GRAMD1B: variants seen among roughly 807,000 people sequenced by gnomAD.
The protein encoded by GRAMD1B is protein Aster-B.
In GRAMD1B, 37 loss-of-function variants were observed where a neutral mutation model predicts 99.7. The observed-to-expected ratio is 0.37, with a 90% CI of 0.29 to 0.49. GRAMD1B has a LOEUF of 0.49. Among genes scored for constraint, GRAMD1B ranks in the 20% least tolerant of loss-of-function variants. GRAMD1B has a pLI of 0.98. For synonymous variants in GRAMD1B, 427 were observed against 387.6 expected (o/e 1.10, Z -1.19); for missense variants, 888 against 1,009.2 (o/e 0.88, Z 1.63).
At chr11:123,439,014 C>G (rs1429260098) in intron 1 of GRAMD1B, among the ~76,000 whole-genome samples, 1 of 152,140 alleles carries the variant, frequency 6.6e-6, no homozygotes, top group Non-Finnish European at 1.5e-5. Flanking sequence ...GAGGGTTTTT[C>G]CTGGGGCATT....
At position 123,593,770 on chromosome 11, in the gene GRAMD1B, A is replaced by C. The variant is rs371613524; in HGVS notation, c.685-312A>C. ...AACAGCAGTAGCTGGCATGGTGGATACCAGGAAGCACCCTGGAGGTGTCCC... is the reference window on the plus strand; with the variant it reads ...AACAGCAGTAGCTGGCATGGTGGATCCCAGGAAGCACCCTGGAGGTGTCCC... On this transcript the variant is annotated intron_variant, in intron 4 of 19. Coordinates refer to ENST00000635736, the MANE Select transcript of GRAMD1B (RefSeq NM_001387025.1). Among the ~76,000 whole-genome samples, 626 of 152,140 alleles carry C rather than the reference A, an allele frequency of 4.1e-3. 4 individuals are homozygous for C. Among genetic ancestry groups the C allele is most frequent in the South Asian group, 0.014 (68 of 4,814 alleles).
At chr11:123,540,766 C>T (rs1944435365) in intron 2 of GRAMD1B, among the ~76,000 whole-genome samples, 1 of 152,056 alleles carries the variant, frequency 6.6e-6, no homozygotes, top group African/African-American at 2.4e-5. Flanking sequence ...TACACACATA[C>T]ATTTAAGTCA....
At chr11:123,545,141 G>A (rs1022247547) in intron 2 of GRAMD1B, among the ~76,000 whole-genome samples, 3 of 152,150 alleles carry the variant, frequency 2.0e-5, no homozygotes, top group Admixed American at 6.6e-5. Flanking sequence ...CAGGGCAGCC[G>A]CCCCGGTGCG....
At chr11:123,467,130 C>T (rs1950717704) in intron 1 of GRAMD1B, among the ~76,000 whole-genome samples, 1 of 152,058 alleles carries the variant, frequency 6.6e-6, no homozygotes, top group South Asian at 2.1e-4. Flanking sequence ...ATTTATTTTT[C>T]CTAGCCAGAG....
At chr11:123,416,308 C>T (rs1189786483) in intron 1 of GRAMD1B, among the ~76,000 whole-genome samples, 1 of 152,076 alleles carries the variant, frequency 6.6e-6, no homozygotes, top group African/African-American at 2.4e-5. Context: ...ACTGAATGGG[C>T]AAAACCACTC....
intron 1 of GRAMD1B, among the ~76,000 whole-genome samples, chr11:123,386,601 C>G (rs925246178): frequency 6.6e-6 from 1 of 152,064 alleles, no homozygotes; most frequent in Non-Finnish European, 1.5e-5. Context: ...CCACACCCAG[C>G]TAATTTTTTG....
upstream of GRAMD1B, among the ~76,000 whole-genome samples, chr11:123,427,681 C>T (rs1948702543): frequency 6.6e-6 from 1 of 152,128 alleles, no homozygotes; most frequent in Admixed American, 6.5e-5. Context: ...AGGGTTATGG[C>T]TTGAAAAAAA....
intron 1 of GRAMD1B, among the ~76,000 whole-genome samples, chr11:123,382,397 G>C (rs1216698832): frequency 6.6e-6 from 1 of 152,020 alleles, no homozygotes; most frequent in Non-Finnish European, 1.5e-5. Flanking sequence ...GATTTCAGAG[G>C]AGTTGAGAAC....
At chr11:123,461,436 T>A (rs534026917) in intron 1 of GRAMD1B, among the ~76,000 whole-genome samples, 1 of 152,262 alleles carries the variant, frequency 6.6e-6, no homozygotes, top group East Asian at 1.9e-4. Flanking sequence ...TCCCAAAGAC[T>A]CCCCCTTGGG....
intron 1 of GRAMD1B, among the ~76,000 whole-genome samples, chr11:123,451,579 GCAGTT>G (rs1281131614): frequency 2.1e-4 from 32 of 152,256 alleles, no homozygotes; most frequent in Non-Finnish European, 5.9e-5. Context: ...ATTTTAACTA[GCAGTT>G]TCGGTGTGCT....
intron 7 of GRAMD1B, among the ~76,000 whole-genome samples, chr11:123,599,824 C>T (rs910380822): frequency 6.6e-6 from 1 of 152,170 alleles, no homozygotes; most frequent in East Asian, 1.9e-4. Flanking sequence ...ATACAAGTTG[C>T]CTAACCTCAA....
At chr11:123,440,560 G>A (rs563203670) in intron 1 of GRAMD1B, among the ~76,000 whole-genome samples, 21 of 152,248 alleles carry the variant, frequency 1.4e-4, no homozygotes, top group African/African-American at 4.8e-4. Flanking sequence ...CTAGTTAATT[G>A]TAAAGTTTTG....
chr11:123,382,179 A>C (rs1023883742), intron 1 of GRAMD1B, among the ~76,000 whole-genome samples: 18 of 152,226 alleles, frequency 1.2e-4, no homozygotes, highest in African/African-American at 3.9e-4. Flanking sequence ...GATTTCATTC[A>C]TTATCTTTTT....
At chr11:123,561,850 G>T (rs1944636125) in intron 2 of GRAMD1B, among the ~76,000 whole-genome samples, 1 of 152,234 alleles carries the variant, frequency 6.6e-6, no homozygotes, top group South Asian at 2.1e-4. Flanking sequence ...TGGAAGAAGG[G>T]TAAGGGAAAG....
chr11:123,420,798 C>A (rs1330146989), intron 1 of GRAMD1B, among the ~76,000 whole-genome samples: 3 of 152,190 alleles, frequency 2.0e-5, no homozygotes, highest in African/African-American at 7.2e-5. Flanking sequence ...AAATCTTGAC[C>A]TCTGCAGTTC....
intron 3 of GRAMD1B, among the ~76,000 whole-genome samples, chr11:123,581,114 TC>T (rs1310612552): frequency 6.6e-6 from 1 of 152,086 alleles, no homozygotes; most frequent in Non-Finnish European, 1.5e-5. Flanking sequence ...GGAAACCACC[TC>T]CCAGTAACCT....
At position 123,548,345 on chromosome 11, in the gene GRAMD1B, C is replaced by T. The variant is rs1201232955; in HGVS notation, c.453-29022C>T. 5.5e-3 allele frequency among the ~76,000 whole-genome samples: 638 copies of T among 116,066 alleles called. 15 individuals carry two copies. The highest frequency in any genetic ancestry group is 0.023 in the African/African-American group (534 of 23,310). The allele number at this position is 116,066 out of a possible 152,430, so 76.1% of individuals were successfully genotyped here. ...ATATATACACACACACACACACACA[C>T]ACACATATATATATATATGTACACA... On this transcript the variant is annotated intron_variant, in intron 2 of 19. Coordinates refer to ENST00000635736, the MANE Select transcript of GRAMD1B (RefSeq NM_001387025.1).
chr11:123,560,757 T>A, intron 2 of GRAMD1B: 1 of 452,302 alleles, frequency 2.2e-6, no homozygotes, highest in Admixed American at 2.4e-5. Context: ...CTCGTGGGAT[T>A]TTTTGGAAGC....
chr11:123,420,979 G>A (rs1323143131), intron 1 of GRAMD1B, among the ~76,000 whole-genome samples: 1 of 152,182 alleles, frequency 6.6e-6, no homozygotes, highest in Non-Finnish European at 1.5e-5. Flanking sequence ...ATACCTGACT[G>A]AAGCAGATTT....
Sources: allele counts gnomAD v4.1 joint callset (sites outside exome capture counted in the v4.1 genomes callset), GRCh38; gene constraint gnomAD v4.1.1; transcripts MANE v1.5; gene names NCBI Gene and HGNC (gene_info 2026-07-23, HGNC 2026-07-21).